Variants in MALRD1 observed in about 807,000 individuals in gnomAD.
MALRD1 encodes the protein MAM and LDL-receptor class A domain-containing protein 1.
Under a neutral mutation model 242.1 loss-of-function variants are expected in MALRD1, and 247 were observed. That is an observed-to-expected ratio of 1.02 (90% CI 0.92 to 1.13). The LOEUF (loss-of-function observed/expected upper bound fraction) is 1.13, where lower values mean the gene tolerates loss of function less well. Among genes scored for constraint, MALRD1 ranks in the 50% most tolerant of loss-of-function variants. The pLI, the probability that MALRD1 is intolerant of heterozygous loss-of-function variation, is 0.00. For synonymous variants in MALRD1, 995 were observed against 866.6 expected (o/e 1.15, Z -2.60); for missense variants, 2,989 against 2,533.1 (o/e 1.18, Z -3.86).
intron 5 of MALRD1, among the ~76,000 whole-genome samples, chr10:19,107,832 A>G (rs1452543857): frequency 6.6e-6 from 1 of 152,032 alleles, no homozygotes; most frequent in Non-Finnish European, 1.5e-5. Flanking sequence ...CATGGGGCTT[A>G]CATTTAAAAA....
chr10:19,440,746 A>G (rs373968529), intron 28 of MALRD1, among the ~76,000 whole-genome samples: 46 of 152,198 alleles, frequency 3.0e-4, no homozygotes, highest in African/African-American at 8.7e-4. Context: ...TCTATCATTG[A>G]TGGACATTTG....
At chr10:19,536,972 A>C (rs1345955159) in intron 32 of MALRD1, among the ~76,000 whole-genome samples, 1 of 152,164 alleles carries the variant, frequency 6.6e-6, no homozygotes, top group East Asian at 1.9e-4. Context: ...TTGAAGAGCA[A>C]GAAGGAGCCA....
chr10:19,514,647 A>T (rs1463468165), intron 31 of MALRD1, among the ~76,000 whole-genome samples: 2 of 152,168 alleles, frequency 1.3e-5, no homozygotes, highest in South Asian at 4.1e-4. Context: ...ACAGAAAGGT[A>T]CATAGTTATA....
intron 18 of MALRD1, among the ~76,000 whole-genome samples, chr10:19,232,770 G>T (rs1320506654): frequency 6.6e-6 from 1 of 151,908 alleles, no homozygotes; most frequent in African/African-American, 2.4e-5. Context: ...GATGAATTTC[G>T]GTGAATACAG....
intron 24 of MALRD1, among the ~76,000 whole-genome samples, chr10:19,334,817 G>A (rs1305912569): frequency 6.6e-6 from 1 of 151,976 alleles, no homozygotes; most frequent in Non-Finnish European, 1.5e-5. Flanking sequence ...ACACAAATAA[G>A]GTTAACAGTT....
chr10:19,405,280 A>G (rs1847042766), intron 28 of MALRD1, among the ~76,000 whole-genome samples: 1 of 152,184 alleles, frequency 6.6e-6, no homozygotes, highest in Admixed American at 6.5e-5. Context: ...TATGTTCAAC[A>G]AGAAGGGTCA....
intron 26 of MALRD1, among the ~76,000 whole-genome samples, chr10:19,363,355 CAG>C (rs1477720333): frequency 1.3e-5 from 2 of 151,912 alleles, no homozygotes; most frequent in African/African-American, 2.4e-5. Context: ...ATAGAGAGAC[CAG>C]AGTGAAAGGA....
At chr10:19,718,820 T>A (rs1834547212) in intron 38 of MALRD1, among the ~76,000 whole-genome samples, 4 of 152,030 alleles carry the variant, frequency 2.6e-5, no homozygotes. Flanking sequence ...TCTCTCTAAT[T>A]ATTACCTAAA....
intron 29 of MALRD1, chr10:19,489,377 G>A (rs2131209933): frequency 1.8e-6 from 1 of 546,842 alleles, no homozygotes. Context: ...TGATGAAGCA[G>A]GAGAGAAAGT....
intron 19 of MALRD1, among the ~76,000 whole-genome samples, chr10:19,270,429 C>T (rs1156294715): frequency 1.3e-5 from 2 of 151,410 alleles, no homozygotes; most frequent in Admixed American, 1.3e-4. Context: ...AAAACTGTGA[C>T]ACTATTTATT....
At chr10:19,252,488 G>T (rs990161490) in intron 18 of MALRD1, among the ~76,000 whole-genome samples, 3 of 151,974 alleles carry the variant, frequency 2.0e-5, no homozygotes, top group Non-Finnish European at 4.4e-5. Context: ...TAGCTAAGAA[G>T]AAATACAATA....
intron 36 of MALRD1, among the ~76,000 whole-genome samples, chr10:19,616,769 C>A (rs1041957415): frequency 6.6e-6 from 1 of 151,882 alleles, no homozygotes; most frequent in African/African-American, 2.4e-5. Context: ...TAAAAAAATT[C>A]TACCAATTAA....
At chr10:19,159,006 T>C (rs34398776) in intron 12 of MALRD1, among the ~76,000 whole-genome samples, 29,770 of 152,172 alleles carry the variant, frequency 0.2, 3,502 homozygotes, top group East Asian at 0.33. Context: ...GCTGATGGAT[T>C]CTAGAGGAAG....
chr10:19,119,723 T>A (rs1027986183), intron 5 of MALRD1, among the ~76,000 whole-genome samples: 2 of 152,206 alleles, frequency 1.3e-5, no homozygotes, highest in Admixed American at 6.5e-5. Flanking sequence ...TAATTTCTAT[T>A]CTTGTGACTA....
At chr10:19,117,584 G>A (rs1397616156) in intron 5 of MALRD1, among the ~76,000 whole-genome samples, 2 of 152,108 alleles carry the variant, frequency 1.3e-5, no homozygotes, top group East Asian at 3.9e-4. Context: ...AAAAATTACA[G>A]TTTTAATTGT....
chr10:19,275,624 G>A lies in MALRD1; in HGVS notation c.3080-4423G>A, dbSNP rs185152835. On this transcript the variant is annotated intron_variant, in intron 19 of 39. Coordinates refer to ENST00000454679, the MANE Select transcript of MALRD1 (RefSeq NM_001142308.3). ...GCGGAGCTTGCAGTGAGTGGAGATCGCGACACTGCACTCCAGCCTGGGCGA... is the reference window on the plus strand; with the variant it reads ...GCGGAGCTTGCAGTGAGTGGAGATCACGACACTGCACTCCAGCCTGGGCGA... 0.014 allele frequency among the ~76,000 whole-genome samples: 2,168 copies of A among 152,052 alleles called. 85 individuals are homozygous for A. The East Asian group carries it at 0.16, about 11-fold the overall frequency.
At chr10:19,621,210 A>T (rs1010943119) in intron 36 of MALRD1, among the ~76,000 whole-genome samples, 1 of 151,704 alleles carries the variant, frequency 6.6e-6, no homozygotes, top group Non-Finnish European at 1.5e-5. Flanking sequence ...CATGGTGTAA[A>T]AAATAAAATA....
intron 11 of MALRD1, among the ~76,000 whole-genome samples, chr10:19,150,749 AAGAC>A (rs1189493965): frequency 6.6e-6 from 1 of 152,178 alleles, no homozygotes; most frequent in East Asian, 1.9e-4. Context: ...TTGCTCGTTT[AAGAC>A]AGAAGATAAA....
At chr10:19,611,786 T>C (rs1838911198) in intron 35 of MALRD1, among the ~76,000 whole-genome samples, 1 of 152,022 alleles carries the variant, frequency 6.6e-6, no homozygotes, top group Non-Finnish European at 1.5e-5. Flanking sequence ...TGTCTTTCTG[T>C]ATTATGGATA....
Sources: gnomAD v4.1 joint callset for allele counts (sites outside exome capture counted in the v4.1 genomes callset) on GRCh38, gnomAD v4.1.1 for gene constraint, MANE v1.5 for transcripts, NCBI Gene and HGNC (gene_info 2026-07-23, HGNC 2026-07-21) for gene names.